Variants in LAMA5 observed in about 807,000 individuals in gnomAD.
LAMA5 encodes the protein laminin subunit alpha-5.
A neutral mutation model predicts 433.4 loss-of-function variants in LAMA5; 260 were observed. The observed-to-expected ratio is 0.60, with a 90% CI of 0.54 to 0.66. LAMA5 has a LOEUF of 0.66. Among genes scored for constraint, LAMA5 ranks in the 30% least tolerant of loss-of-function variants. The pLI is 0.00. For missense variants in LAMA5, 5,378 were observed against 5,258.5 expected, an observed-to-expected ratio of 1.02 and a Z score of -0.70; for synonymous variants, 2,620 against 2,226.6, an observed-to-expected ratio of 1.18 and a Z score of -4.97.
At position 62,359,906 on chromosome 20, in the gene LAMA5, A is replaced by C. The variant is rs1985775956; in HGVS notation, c.450+2494T>G. 6.6e-6 allele frequency among the ~76,000 whole-genome samples: 1 copy of C among 151,598 alleles called. No individual in the cohort carries two copies. The highest frequency in any genetic ancestry group is 1.5e-5 in the Non-Finnish European group (1 of 67,904). On this transcript the variant is annotated intron_variant, in intron 2 of 79. Transcript: ENST00000252999. The surrounding 1 kb of genome is among the most constrained non-coding windows in gnomAD (Gnocchi z 4.3). Reference sequence around the variant, plus strand: ...CCGCCCTCCTCAGCCTTCCAGGAGCAGGAAGCCTTCCCGATGCCCAGTGCC... The same window carrying C: ...CCGCCCTCCTCAGCCTTCCAGGAGCCGGAAGCCTTCCCGATGCCCAGTGCC...
intron 57 of LAMA5, chr20:62,316,291 G>T (rs536008118): frequency 4.7e-4 from 273 of 580,544 alleles, no homozygotes; most frequent in Non-Finnish European, 7.4e-4. Flanking sequence ...CCATTGTACA[G>T]ATGAAACAAT....
chr20:62,354,054 C>A (rs796831088), intron 2 of LAMA5, among the ~76,000 whole-genome samples: 10 of 152,252 alleles, frequency 6.6e-5, no homozygotes, highest in African/African-American at 2.4e-4. Flanking sequence ...AAACCCCAAG[C>A]CCCTGCCCCA....
rs1568954000 is a variant in LAMA5 at position 62,338,567 on chromosome 20, GGCAGGC to G, written c.1513_1518del (p.Ala505_Cys506del). 6.2e-7 allele frequency: 1 copy of G among 1,611,176 alleles called. No individual in the cohort carries two copies. Among genetic ancestry groups the G allele is most frequent in the South Asian group, 1.1e-5 (1 of 90,594 alleles). On this transcript the variant is annotated inframe_deletion, in exon 12 of 80. Transcript: ENST00000252999. ...CAGCGTCCCACCCTTGGGTCCTTCC[GGCAGGC>G]GTTGCCCTGGGTCCCTGCCGCGCTG...
At chr20:62,329,996 TG>T in intron 31 of LAMA5, 80 bp from the exon 32 acceptor site, 1 of 1,532,176 alleles carries the variant, frequency 6.5e-7, no homozygotes, top group Non-Finnish European at 8.8e-7. Flanking sequence ...ATGGCAGCGT[TG>T]GGGCAGCCAA....
At chr20:62,356,435 T>C (rs1051836672) in intron 2 of LAMA5, 79 of 152,294 alleles carry the variant, frequency 5.2e-4, no homozygotes, top group African/African-American at 1.8e-3. Flanking sequence ...CATGGTTCTG[T>C]GCAGAAAGAA....
intron 16 of LAMA5, among the ~76,000 whole-genome samples, chr20:62,337,198 G>A (rs1459105280): frequency 1.3e-5 from 2 of 151,860 alleles, no homozygotes; most frequent in Admixed American, 6.5e-5. Flanking sequence ...TATGCGATAC[G>A]CGCACCCACT....
intron 76 of LAMA5, 47 bp downstream of exon 76, chr20:62,310,371 GC>G: frequency 2.6e-6 from 4 of 1,563,070 alleles, no homozygotes; most frequent in Non-Finnish European, 3.5e-6. Flanking sequence ...ACCTCCTGGA[GC>G]CCCCTGCCCT....
intron 51 of LAMA5, 58 bp from the exon 52 acceptor site, chr20:62,319,071 G>A: frequency 2.1e-6 from 3 of 1,439,484 alleles, no homozygotes; most frequent in South Asian, 1.4e-5. Flanking sequence ...ACCTCTGCCT[G>A]CTGGCTTCCA....
chr20:62,346,668 C>G lies in LAMA5; in HGVS notation c.1191+14G>C. 1.2e-6 allele frequency: 2 copies of G among 1,612,390 alleles called. No individual in the cohort carries two copies. Among genetic ancestry groups the G allele is most frequent in the Non-Finnish European group, 1.7e-6 (2 of 1,179,110 alleles). ...TCAGGGCCAGCCCATTCCCAGCCCT[C>G]TAGCCCAGCCCACCTGGCAGTCGAT... On this transcript the variant is annotated intron_variant, in intron 8 of 79. Transcript: ENST00000252999.
rs368059268 is a variant in LAMA5, at chr20:62,336,789, G to T, written c.2165-3C>A. The T allele has an allele frequency of 1.2e-6, 2 of 1,612,506 alleles. No individual in the cohort carries two copies. The highest frequency in any genetic ancestry group is 8.5e-7 in the Non-Finnish European group (1 of 1,179,920). ...ACCGGCAGGGTGGCAAGAGCCAGCT[G>T]TGAAGAGAGGACCATGCCTCGGTCA... On this transcript the variant is annotated splice_region_variant and splice_polypyrimidine_tract_variant and intron_variant, in intron 16 of 79. Transcript: ENST00000252999.
At chr20:62,313,920 CGG>C (rs1442654705) in intron 62 of LAMA5, 118 bp from the exon 63 acceptor site, 4 of 895,796 alleles carry the variant, frequency 4.5e-6, no homozygotes. Context: ...CGAGTGGGCA[CGG>C]AGAGACGAGG....
rs991077572 is a variant in LAMA5 at position 62,320,895 on chromosome 20, A to G, written c.6497-5T>C. The G allele has an allele frequency of 6.2e-7, 1 of 1,603,656 alleles. No individual in the cohort carries two copies. Among genetic ancestry groups the G allele is most frequent in the Non-Finnish European group, 8.5e-7 (1 of 1,174,486 alleles). ...GGACCACACAGTGGTCACACACTGC[A>G]GGCGATGTGGGGTCACAGGTCAGTG... On this transcript the variant is annotated splice_region_variant and splice_polypyrimidine_tract_variant and intron_variant, in intron 48 of 79. Coordinates refer to ENST00000252999, the MANE Select transcript of LAMA5 (RefSeq NM_005560.6).
intron 2 of LAMA5, among the ~76,000 whole-genome samples, chr20:62,355,757 T>C (rs1601419566): frequency 6.6e-6 from 1 of 152,020 alleles, no homozygotes; most frequent in African/African-American, 2.4e-5. Context: ...CAGCCCCCTG[T>C]GGGCCTGACC....
chr20:62,318,509 GTGGCGTCCAC>G lies in LAMA5; in HGVS notation c.7174_7183del (p.Val2392HisfsTer90). ...GCTGTTGAGCTCCTGGGCCTCCCGT[GTGGCGTCCAC>G]TGCCCGGTTCAAAGCCTCTCGCAGG... On this transcript the variant is annotated frameshift_variant, in exon 53 of 80. Transcript: ENST00000252999. LOFTEE classifies it high-confidence loss of function. The G allele has an allele frequency of 1.9e-6, 3 of 1,609,154 alleles. No homozygotes were observed. The highest frequency in any genetic ancestry group is 2.5e-6 in the Non-Finnish European group (3 of 1,178,928).
At chr20:62,345,934 A>G in intron 10 of LAMA5, 57 bp from the exon 11 acceptor site, 1 of 1,551,158 alleles carries the variant, frequency 6.4e-7, no homozygotes, top group Non-Finnish European at 8.8e-7. Flanking sequence ...AGCACCCTAC[A>G]CCCCCTGCCA....
rs757169165 is a variant in LAMA5 at position 62,311,929 on chromosome 20, T to C, written c.9626A>G (p.Asn3209Ser). The C allele has an allele frequency of 1.9e-6, 3 of 1,610,840 alleles. No individual in the cohort carries two copies. The highest frequency in any genetic ancestry group is 1.7e-5 in the Admixed American group (1 of 59,828). ...GAPHYVAFYS[N>S]ATGVWLYVDD... ...CAGCGGCCAGGCTCACCCCGTGGCA[T>C]TGCTGTAGAAGGCGACGTAATGGGG... is the stretch of plus-strand genomic sequence containing the variant. Residue 3209 changes from asparagine (N) to serine (S), a missense_variant, in exon 70 of 80, where the codon AAT becomes AGT. Transcript: ENST00000252999.
Position 62,312,935 on chromosome 20 carries a change from C to T in LAMA5, c.9031G>A (p.Ala3011Thr). The T allele has an allele frequency of 6.3e-7, 1 of 1,581,004 alleles. No individual in the cohort carries two copies. The highest frequency in any genetic ancestry group is 1.2e-5 in the South Asian group (1 of 85,962). Residue 3011 changes from alanine (A) to threonine (T), a missense_variant, in exon 66 of 80, where the codon GCC becomes ACC. Ala to Thr is a moderately conservative substitution (Grantham distance 58). Transcript: ENST00000252999. ...LYDFGAGLKK[A>T]VPLQPPPPLT... is the part of the protein sequence containing the mutation. ...GGCGGTGGGGGCTGCAGTGGGACGGCCTTTTTCAGGCCAGCCCCAAAGTCA... is the reference window on the plus strand; with the variant it reads ...GGCGGTGGGGGCTGCAGTGGGACGGTCTTTTTCAGGCCAGCCCCAAAGTCA...
At chr20:62,336,199 T>A in intron 18 of LAMA5, 141 bp downstream of exon 18, 1 of 541,324 alleles carries the variant, frequency 1.8e-6, no homozygotes, top group Non-Finnish European at 3.2e-6. Flanking sequence ...AGGAACCCCA[T>A]ATCCCACCAC....
At chr20:62,338,393 G>A (rs1164084686) in intron 12 of LAMA5, 24 bp from the exon 13 acceptor site, 9 of 1,606,916 alleles carry the variant, frequency 5.6e-6, no homozygotes, top group Middle Eastern at 1.6e-4. Flanking sequence ...TGGCCCACAT[G>A]CTTGGTCAGA....
Sources: gnomAD v4.1 joint callset for allele counts (sites outside exome capture counted in the v4.1 genomes callset) on GRCh38, gnomAD v4.1.1 for gene constraint, Gnocchi (gnomAD v3.1) non-coding constraint, MANE v1.5 for transcripts, NCBI Gene and HGNC (gene_info 2026-07-23, HGNC 2026-07-21) for gene names.